The following RSF1 variants were observed in gnomAD, a reference collection of about 807,000 sequenced individuals.
RSF1 encodes the protein remodeling and spacing factor 1.
A neutral mutation model predicts 145.2 loss-of-function variants in RSF1; 13 were observed. The observed-to-expected ratio is 0.09, with a 90% confidence interval of 0.06 to 0.14. RSF1 has a LOEUF of 0.14. RSF1 is among the 10% of genes least tolerant of loss of function. RSF1 has a pLI of 1.00. For missense variants in RSF1, 1,517 were observed against 1,718.2 expected (o/e 0.88, Z 2.07); for synonymous variants, 577 against 592.6 (o/e 0.97, Z 0.38).
chr11:77,781,563 G>C (rs558427990), intron 1 of RSF1, among the ~76,000 whole-genome samples: 4 of 152,212 alleles, frequency 2.6e-5, no homozygotes, highest in Non-Finnish European at 4.4e-5. Context: ...TTTTGCCAAT[G>C]TAAGTTGTAC....
the RSF1 span, among the ~76,000 whole-genome samples, chr11:77,860,721 A>C: frequency 1.3e-5 from 2 of 152,200 alleles, no homozygotes; most frequent in African/African-American, 4.8e-5. Flanking sequence ...GGTTTGAAGG[A>C]TCTTCAAAGG....
rs1180621723 is a variant in RSF1, at chr11:77,813,412, A to T, written c.187+7116T>A. On this transcript the variant is annotated intron_variant, in intron 1 of 15. Coordinates refer to ENST00000308488, the MANE Select transcript of RSF1 (RefSeq NM_016578.4). ...AATCTCAGAAGGACTGTGCAAGTCA[A>T]TGAGTCGCTTGTGGATTCTCATCTG... 2.4e-6 allele frequency: 3 copies of T among 1,227,434 alleles called. No individual in the cohort carries two copies. The African/African-American group carries it at 4.4e-5, about 18-fold the overall frequency. The allele number at this position is 1,227,434 out of a possible 1,614,324, so 76.0% of individuals were successfully genotyped here. A position where few individuals can be genotyped will look rare whatever the true frequency, so the allele number is the denominator to read the frequency against.
the RSF1 span, among the ~76,000 whole-genome samples, chr11:77,831,550 T>G: frequency 2.0e-5 from 3 of 152,130 alleles, no homozygotes; most frequent in Non-Finnish European, 2.9e-5. Context: ...TGATTATCAT[T>G]CTGGTGTTCT....
chr11:77,781,802 GTA>G (rs1365016061), intron 1 of RSF1, among the ~76,000 whole-genome samples: 2 of 152,240 alleles, frequency 1.3e-5, no homozygotes, highest in East Asian at 1.9e-4. Context: ...TAACTGCATT[GTA>G]TATGTTTTTT....
At chr11:77,735,021 C>G (rs1590857729) in intron 4 of RSF1, 3 of 1,558,278 alleles carry the variant, frequency 1.9e-6, no homozygotes, top group Non-Finnish European at 8.7e-7. Context: ...TGGACGTGGT[C>G]CTCATGGCGG....
At chr11:77,812,019 C>CA (rs1173415809) in intron 1 of RSF1, among the ~76,000 whole-genome samples, 1 of 152,006 alleles carries the variant, frequency 6.6e-6, no homozygotes, top group African/African-American at 2.4e-5. Flanking sequence ...ACTAAAAATA[C>CA]AAAAAATTTT....
the RSF1 span, chr11:77,866,406 G>A: frequency 6.6e-6 from 1 of 152,218 alleles, no homozygotes; most frequent in East Asian, 1.9e-4. Flanking sequence ...AAGCAGCACA[G>A]GAATTGCTAG....
In RSF1 at chr11:77,672,070, C is replaced by T. The variant is rs368338917; in HGVS notation, c.3723G>A (p.Lys1241=). 1.2e-6 allele frequency: 2 copies of T among 1,613,516 alleles called. No homozygotes were observed. The highest frequency in any genetic ancestry group is 1.3e-5 in the African/African-American group (1 of 74,888). Reference sequence around the variant, plus strand: ...CACTCTCTGAGCTGGAAAGTCTTCGCTTGTGTACTCGCCTTATTTCTTTAC... The same window carrying T: ...CACTCTCTGAGCTGGAAAGTCTTCGTTTGTGTACTCGCCTTATTTCTTTAC... ...RRGKEIRRVH[K]RRLSSSESEE... The change falls in exon 15 of 16, where the codon AAG becomes AAA. Residue 1241 remains lysine, a synonymous_variant. Coordinates refer to ENST00000308488, the MANE Select transcript of RSF1 (RefSeq NM_016578.4).
chr11:77,660,479 G>A lies in RSF1; in HGVS notation c.*6438C>T, dbSNP rs1349625835. 6.9e-6 allele frequency: 1 copy of A among 143,886 alleles called. No homozygotes were observed. Among genetic ancestry groups the A allele is most frequent in the Non-Finnish European group, 1.5e-5 (1 of 66,064 alleles). The allele number at this position is 143,886 out of a possible 1,614,324, so 8.9% of individuals were successfully genotyped here. A position where few individuals can be genotyped will look rare whatever the true frequency, so the allele number is the denominator to read the frequency against. On this transcript the variant is annotated 3_prime_UTR_variant, in exon 16 of 16. Transcript: ENST00000308488. ...CACTCCAGCTTCTATTTGACTAACAGCATGGTCCTGATTACCTCAAGAGTT... is the reference window on the plus strand; with the variant it reads ...CACTCCAGCTTCTATTTGACTAACAACATGGTCCTGATTACCTCAAGAGTT...
chr11:77,862,944 C>T, the RSF1 span, among the ~76,000 whole-genome samples: 5 of 152,108 alleles, frequency 3.3e-5, no homozygotes, highest in Non-Finnish European at 7.3e-5. Flanking sequence ...TTGGGGGGAA[C>T]GTTTCCCATT....
chr11:77,801,513 T>C (rs555498302), intron 1 of RSF1, among the ~76,000 whole-genome samples: 4 of 152,356 alleles, frequency 2.6e-5, no homozygotes, highest in Admixed American at 2.0e-4. Context: ...TCCTGAGTGA[T>C]AGGGCACTAG....
rs11353278 is a variant in RSF1, at chr11:77,733,557, ATTT to A, written c.578+7171_578+7173del. 8.7e-3 allele frequency among the ~76,000 whole-genome samples: 1,087 copies of A among 124,234 alleles called. 3 individuals carry two copies. The highest frequency in any genetic ancestry group is 0.013 in the Non-Finnish European group (766 of 60,300). The allele number at this position is 124,234 out of a possible 152,430, so 81.5% of individuals were successfully genotyped here. A position where few individuals can be genotyped will look rare whatever the true frequency, so the allele number is the denominator to read the frequency against. ...CCACCTTGTTATGTTTACATCTTTGATTTTTTTTTTTTTTTTTTTTGAGACACA... is the reference window on the plus strand; with the variant it reads ...CCACCTTGTTATGTTTACATCTTTGATTTTTTTTTTTTTTTTTGAGACACA... On this transcript the variant is annotated intron_variant, in intron 4 of 15. Coordinates refer to ENST00000308488, the MANE Select transcript of RSF1 (RefSeq NM_016578.4).
intron 3 of RSF1, among the ~76,000 whole-genome samples, chr11:77,741,803 C>T (rs1947942417): frequency 6.6e-6 from 1 of 152,066 alleles, no homozygotes; most frequent in African/African-American, 2.4e-5. Flanking sequence ...GAACTAATTC[C>T]TCCTGTCTGA....
At chr11:77,871,311 A>C in the RSF1 span, among the ~76,000 whole-genome samples, 1 of 152,226 alleles carries the variant, frequency 6.6e-6, no homozygotes, top group Non-Finnish European at 1.5e-5. Flanking sequence ...AATATCTAAT[A>C]ATAGCTGTCA....
At chr11:77,847,359 C>T in the RSF1 span, among the ~76,000 whole-genome samples, 1 of 152,208 alleles carries the variant, frequency 6.6e-6, no homozygotes, top group Non-Finnish European at 1.5e-5. Flanking sequence ...TATAGTCTAT[C>T]ACATTGTTCT....
intron 5 of RSF1, among the ~76,000 whole-genome samples, chr11:77,718,908 A>G (rs7119471): frequency 0.18 from 27,214 of 152,154 alleles, 3,069 homozygotes; most frequent in African/African-American, 0.3. Context: ...CTGACATCAC[A>G]TTAATAATGA....
chr11:77,684,690 T>C (rs977480236), intron 10 of RSF1, among the ~76,000 whole-genome samples: 5 of 152,148 alleles, frequency 3.3e-5, no homozygotes, highest in Non-Finnish European at 5.9e-5. Flanking sequence ...TGGTGTATCA[T>C]AGATTTAAAA....
intron 9 of RSF1, among the ~76,000 whole-genome samples, chr11:77,690,181 CA>C (rs1960116909): frequency 8.1e-6 from 1 of 124,160 alleles, no homozygotes; most frequent in African/African-American, 3.0e-5. Flanking sequence ...AAAAAAAAAA[CA>C]AAAAACCTTC....
rs1205020854 is a variant in RSF1 at position 77,660,086 on chromosome 11, G to T, written c.*6831C>A. ...CAGAAGTATTATAATAAAACATTTT[G>T]AAAGAAAAAGTTACACAATTAGGCC... On this transcript the variant is annotated 3_prime_UTR_variant, in exon 16 of 16. Transcript: ENST00000308488. The T allele has an allele frequency of 6.6e-6, 1 of 152,122 alleles. No homozygotes were observed. Among genetic ancestry groups the T allele is most frequent in the Admixed American group, 6.5e-5 (1 of 15,268 alleles). The allele number at this position is 152,122 out of a possible 1,614,324, so 9.4% of individuals were successfully genotyped here. A position where few individuals can be genotyped will look rare whatever the true frequency, so the allele number is the denominator to read the frequency against.
Sources: gnomAD v4.1 joint callset for allele counts (sites outside exome capture counted in the v4.1 genomes callset) on GRCh38, gnomAD v4.1.1 for gene constraint, MANE v1.5 for transcripts, NCBI Gene and HGNC (gene_info 2026-07-23, HGNC 2026-07-21) for gene names.